Variants in LRRTM4 observed in about 807,000 individuals in gnomAD.
The protein encoded by LRRTM4 is leucine-rich repeat transmembrane neuronal protein 4.
Under a neutral mutation model 47.6 loss-of-function variants are expected in LRRTM4, and 25 were observed. The ratio of observed to expected loss-of-function variants is 0.53; its 90% CI spans 0.38 to 0.73. LRRTM4 has a LOEUF of 0.73. LRRTM4 is among the 30% of genes least tolerant of loss of function. The probability of loss-of-function intolerance (pLI) is 0.00; values close to 1 mark genes in which losing one functional copy is unlikely to be tolerated. For synonymous variants in LRRTM4, 311 were observed against 269.5 expected (o/e 1.15, Z -1.51); for missense variants, 638 against 713.4 (o/e 0.89, Z 1.20).
At chr2:77,432,612 G>A (rs1237922741) in intron 3 of LRRTM4, among the ~76,000 whole-genome samples, 1 of 152,178 alleles carries the variant, frequency 6.6e-6, no homozygotes, top group African/African-American at 2.4e-5. Context: ...CAGATAAAGA[G>A]ACAGAAAGGC....
intron 3 of LRRTM4, among the ~76,000 whole-genome samples, chr2:77,246,286 A>T (rs951396522): frequency 6.6e-6 from 1 of 152,140 alleles, no homozygotes; most frequent in Non-Finnish European, 1.5e-5. Context: ...AATTAGACAA[A>T]GTACTTCACT....
At chr2:76,915,447 C>T (rs182430817) in intron 3 of LRRTM4, among the ~76,000 whole-genome samples, 2 of 152,234 alleles carry the variant, frequency 1.3e-5, no homozygotes, top group Admixed American at 1.3e-4. Flanking sequence ...TTTCTTTATC[C>T]ATCTCAGGTT....
chr2:77,182,747 G>A (rs796115536), intron 3 of LRRTM4, among the ~76,000 whole-genome samples: 20 of 152,120 alleles, frequency 1.3e-4, no homozygotes, highest in East Asian at 3.9e-4. Context: ...CCTGCCTTGC[G>A]CCAGTTTTCA....
chr2:77,490,094 A>C (rs1484417375), intron 3 of LRRTM4, among the ~76,000 whole-genome samples: 1 of 152,080 alleles, frequency 6.6e-6, no homozygotes, highest in Non-Finnish European at 1.5e-5. Context: ...TACTAAAAAT[A>C]CAAACATTAG....
At chr2:77,384,581 A>C (rs1177933280) in intron 3 of LRRTM4, among the ~76,000 whole-genome samples, 1 of 152,048 alleles carries the variant, frequency 6.6e-6, no homozygotes, top group Non-Finnish European at 1.5e-5. Flanking sequence ...TGACCAAAAT[A>C]AAATGAAAAA....
intron 3 of LRRTM4, among the ~76,000 whole-genome samples, chr2:77,187,599 A>G (rs899468279): frequency 1.3e-5 from 2 of 152,056 alleles, no homozygotes; most frequent in South Asian, 2.1e-4. Context: ...CGTTGTGTAC[A>G]TGTACCCTAA....
intron 3 of LRRTM4, among the ~76,000 whole-genome samples, chr2:77,091,923 C>T (rs141847440): frequency 0.14 from 17,981 of 130,376 alleles, 2,140 homozygotes; most frequent in East Asian, 0.37. Context: ...GCATGGTTAG[C>T]GCGGTCAGAA....
chr2:77,005,395 G>C (rs963182205), intron 3 of LRRTM4, among the ~76,000 whole-genome samples: 1 of 152,090 alleles, frequency 6.6e-6, no homozygotes, highest in Non-Finnish European at 1.5e-5. Flanking sequence ...CACCTGCCTT[G>C]GCCTCCCAAA....
chr2:76,886,865 G>A (rs1037311273), intron 3 of LRRTM4, among the ~76,000 whole-genome samples: 1 of 151,916 alleles, frequency 6.6e-6, no homozygotes, highest in African/African-American at 2.4e-5. Flanking sequence ...TATTTTGAGA[G>A]GGTATGTCTC....
At chr2:77,144,192 T>C (rs1210153535) in intron 3 of LRRTM4, among the ~76,000 whole-genome samples, 1 of 152,080 alleles carries the variant, frequency 6.6e-6, no homozygotes, top group Non-Finnish European at 1.5e-5. Context: ...TTTATGATCT[T>C]ACACCAGTCA....
intron 3 of LRRTM4, among the ~76,000 whole-genome samples, chr2:76,755,702 A>C (rs1178112126): frequency 6.6e-6 from 1 of 152,174 alleles, no homozygotes; most frequent in South Asian, 2.1e-4. Context: ...AAAATGAGAG[A>C]GAGCACTGGA....
At chr2:77,331,531 T>C (rs1670971272) in intron 3 of LRRTM4, among the ~76,000 whole-genome samples, 1 of 152,198 alleles carries the variant, frequency 6.6e-6, no homozygotes, top group African/African-American at 2.4e-5. Context: ...GGGCTGCCCT[T>C]GGAAGAGATA....
At chr2:77,407,314 T>A (rs1181460771) in intron 3 of LRRTM4, among the ~76,000 whole-genome samples, 2 of 151,982 alleles carry the variant, frequency 1.3e-5, no homozygotes, top group Non-Finnish European at 2.9e-5. Flanking sequence ...ATTTTCAGAA[T>A]GTGCCCTGAA....
At chr2:77,369,151 T>C (rs1672563923) in intron 3 of LRRTM4, among the ~76,000 whole-genome samples, 2 of 151,780 alleles carry the variant, frequency 1.3e-5, no homozygotes, top group Admixed American at 6.6e-5. Context: ...TTTGGAAAAA[T>C]GCATATCCAA....
chr2:77,064,940 C>T (rs529425484), intron 3 of LRRTM4, among the ~76,000 whole-genome samples: 5 of 152,110 alleles, frequency 3.3e-5, no homozygotes, highest in Non-Finnish European at 5.9e-5. Context: ...TGCCCATTCC[C>T]ATACAACTAG....
chr2:76,803,153 G>A (rs1675793743), intron 3 of LRRTM4, among the ~76,000 whole-genome samples: 1 of 152,064 alleles, frequency 6.6e-6, no homozygotes, highest in Non-Finnish European at 1.5e-5. Flanking sequence ...CAGGGACAGA[G>A]TGAAGGGACA....
chr2:76,890,390 T>C (rs1673214796), intron 3 of LRRTM4, among the ~76,000 whole-genome samples: 6 of 152,006 alleles, frequency 3.9e-5, no homozygotes, highest in Admixed American at 3.9e-4. Context: ...CTCTACAAGT[T>C]CTATAAGCAT....
chr2:77,224,057 A>G (rs967414690), intron 3 of LRRTM4, among the ~76,000 whole-genome samples: 4 of 151,428 alleles, frequency 2.6e-5, no homozygotes, highest in African/African-American at 9.7e-5. Context: ...ATGATGCCGC[A>G]TATCTACAAC....
chr2:77,281,107 A>T (rs985787149), intron 3 of LRRTM4, among the ~76,000 whole-genome samples: 1 of 151,972 alleles, frequency 6.6e-6, no homozygotes, highest in Admixed American at 6.6e-5. Flanking sequence ...TTCATTCATA[A>T]TTGGTTCAAG....
Sources: gnomAD v4.1 joint callset for allele counts (sites outside exome capture counted in the v4.1 genomes callset) on GRCh38, gnomAD v4.1.1 for gene constraint, MANE v1.5 for transcripts, NCBI Gene and HGNC (gene_info 2026-07-23, HGNC 2026-07-21) for gene names.